The following SH3BP5L variants were observed in gnomAD, a reference collection of about 807,000 sequenced individuals.
SH3BP5L encodes the protein SH3 domain-binding protein 5-like.
SH3BP5L carries 16 observed loss-of-function variants against 40.9 expected under a neutral mutation model. The observed-to-expected ratio is 0.39, with a 90% CI of 0.27 to 0.59. The LOEUF (loss-of-function observed/expected upper bound fraction) is 0.59. SH3BP5L is among the 20% of genes least tolerant of loss of function. SH3BP5L has a pLI of 0.53. For synonymous variants in SH3BP5L, 229 were observed against 226.7 expected, an observed-to-expected ratio of 1.01 and a Z score of -0.09; for missense variants, 471 against 544.6, an observed-to-expected ratio of 0.86 and a Z score of 1.35.
intron 2 of SH3BP5L, among the ~76,000 whole-genome samples, chr1:248,822,611 A>G (rs1467882703): frequency 6.6e-6 from 1 of 152,112 alleles, no homozygotes; most frequent in Non-Finnish European, 1.5e-5. Context: ...TAGAAGAGTC[A>G]GTGATGACAG....
At chr1:248,820,702 C>T (rs1366426400) in intron 2 of SH3BP5L, 1 of 152,134 alleles carries the variant, frequency 6.6e-6, no homozygotes, top group Admixed American at 6.5e-5. Flanking sequence ...AACCACAGCC[C>T]ACGTAGGAAA....
rs1245824900 is a variant in SH3BP5L at position 248,825,152 on chromosome 1, A to G, written c.-217T>C. 2 of 1,337,760 alleles carry G rather than the reference A, an allele frequency of 1.5e-6. No homozygotes were observed. Among genetic ancestry groups the G allele is most frequent in the Non-Finnish European group, 1.9e-6 (2 of 1,047,158 alleles). The allele number at this position is 1,337,760 out of a possible 1,614,324, so 82.9% of individuals were successfully genotyped here. ...CTAGAGCTGAAGCCTTGTCTGTGCA[A>G]AAGTTCTTCCCTTCCCGCCACAGGG... On this transcript the variant is annotated 5_prime_UTR_variant, in exon 2 of 7. Coordinates refer to ENST00000366472, the MANE Select transcript of SH3BP5L (RefSeq NM_030645.3).
intron 2 of SH3BP5L, among the ~76,000 whole-genome samples, chr1:248,823,244 C>T (rs960161673): frequency 1.3e-4 from 20 of 151,250 alleles, no homozygotes; most frequent in African/African-American, 4.6e-4. Context: ...AACAGAGAGA[C>T]AGCTCTTTCC....
In SH3BP5L at chr1:248,814,230, G is replaced by A. The variant is rs1414278316; in HGVS notation, c.537+219C>T. 1.0e-5 allele frequency: 6 copies of A among 591,412 alleles called. No individual in the cohort carries two copies. The East Asian group carries it at 1.7e-4, about 17-fold the overall frequency. The allele number at this position is 591,412 out of a possible 1,614,324, so 36.6% of individuals were successfully genotyped here. A position where few individuals can be genotyped will look rare whatever the true frequency, so the allele number is the denominator to read the frequency against. Reference sequence around the variant, plus strand: ...CCCACACCTGGAGGCAAACGTTCAAGAAGAGCCCGGGATGACATTCTAAGT... The same window carrying A: ...CCCACACCTGGAGGCAAACGTTCAAAAAGAGCCCGGGATGACATTCTAAGT... On this transcript the variant is annotated intron_variant, in intron 5 of 6. Coordinates refer to ENST00000366472, the MANE Select transcript of SH3BP5L (RefSeq NM_030645.3).
chr1:248,817,513 C>T (rs544752788), intron 2 of SH3BP5L, among the ~76,000 whole-genome samples: 1 of 152,124 alleles, frequency 6.6e-6, no homozygotes, highest in Non-Finnish European at 1.5e-5. Flanking sequence ...GGGTAGGATG[C>T]CTGGAACACT....
intron 2 of SH3BP5L, 126 bp from the exon 3 acceptor site, chr1:248,817,010 G>C: frequency 6.4e-7 from 1 of 1,565,954 alleles, no homozygotes; most frequent in Non-Finnish European, 8.6e-7. Context: ...GAGACACTCA[G>C]GAAAGGAAAG....
intron 2 of SH3BP5L, among the ~76,000 whole-genome samples, chr1:248,822,819 C>T (rs929490990): frequency 3.9e-5 from 6 of 152,104 alleles, no homozygotes; most frequent in Non-Finnish European, 7.4e-5. Flanking sequence ...CCCGCCACAA[C>T]ACCTGGCTAG....
chr1:248,824,715 C>G (rs749706215), intron 2 of SH3BP5L, 38 bp downstream of exon 2: 1 of 1,604,546 alleles, frequency 6.2e-7, no homozygotes, highest in African/African-American at 1.3e-5. Flanking sequence ...AGGCTGGAAT[C>G]TGGGCTCTCC....
At chr1:248,813,710 G>C (rs1289742976) in intron 5 of SH3BP5L, 2 of 153,288 alleles carry the variant, frequency 1.3e-5, no homozygotes, top group Non-Finnish European at 2.9e-5. Flanking sequence ...GGTTGGATGG[G>C]GCTCTGGCGT....
In SH3BP5L at chr1:248,810,963, G is replaced by A. The variant is rs934083237; in HGVS notation, c.*937C>T. On this transcript the variant is annotated 3_prime_UTR_variant, in exon 7 of 7. Transcript: ENST00000366472. The stretch of plus-strand genomic sequence containing the variant: ...ATTGAGCACCAAATTCCCTAACCCC[G>A]TCCTGCAGGAGGGTGCTGAGTCAGT... 9.8e-5 allele frequency: 15 copies of A among 152,672 alleles called. No homozygotes were observed. Among genetic ancestry groups the A allele is most frequent in the Admixed American group, 5.9e-4 (9 of 15,286 alleles). The allele number at this position is 152,672 out of a possible 1,614,324, so 9.5% of individuals were successfully genotyped here. A position where few individuals can be genotyped will look rare whatever the true frequency, so the allele number is the denominator to read the frequency against.
At position 248,812,878 on chromosome 1, in the gene SH3BP5L, G is replaced by A. The variant is rs1402549986; in HGVS notation, c.711+111C>T. ...CACCACCCTTCCCCACCGCTAGCCG[G>A]AGGCCTCACCCTGGCCACCTCACCA... On this transcript the variant is annotated intron_variant, in intron 6 of 6. Transcript: ENST00000366472. This position sits in a 1 kb window ranked among gnomAD's most constrained non-coding sequence, Gnocchi z 6.1. 2.1e-6 allele frequency: 2 copies of A among 968,078 alleles called. No homozygotes were observed. The highest frequency in any genetic ancestry group is 3.4e-5 in the African/African-American group (2 of 59,678). 60.0% of individuals were successfully genotyped at this position (968,078 alleles called of 1,614,324 possible). A position where few individuals can be genotyped will look rare whatever the true frequency, so the allele number is the denominator to read the frequency against.
At chr1:248,816,938 G>A (rs111962358) in intron 2 of SH3BP5L, 54 bp from the exon 3 acceptor site, 1 of 1,612,820 alleles carries the variant, frequency 6.2e-7, no homozygotes. Context: ...AGCCTTGAAT[G>A]AACCATGCAA....
Position 248,810,717 on chromosome 1 carries a change from G to A in SH3BP5L, c.*1183C>T, listed in dbSNP as rs1233647066. On this transcript the variant is annotated 3_prime_UTR_variant, in exon 7 of 7. Transcript: ENST00000366472. ...TCTTCCTGGGGTGGGTCAAAAGGAA[G>A]GACTGGTTCTCCCAAGGCACCCAGA... 1 of 152,220 alleles carries A rather than the reference G, an allele frequency of 6.6e-6. No individual in the cohort carries two copies. The highest frequency in any genetic ancestry group is 1.5e-5 in the Non-Finnish European group (1 of 68,062). The allele number at this position is 152,220 out of a possible 1,614,324, so 9.4% of individuals were successfully genotyped here.
chr1:248,825,530 C>T (rs1572188559), intron 1 of SH3BP5L, 164 bp from the exon 2 acceptor site: 1 of 314,490 alleles, frequency 3.2e-6, no homozygotes, highest in African/African-American at 2.3e-5. Context: ...CCCTCAAGGA[C>T]TTTAGATTCT....
At position 248,812,307 on chromosome 1, in the gene SH3BP5L, C is replaced by G; in HGVS notation, c.775G>C (p.Val259Leu). ...QVAQAKTRYSVALRNLEQISE... is the reference protein window; with the variant it reads ...QVAQAKTRYSLALRNLEQISE... ...ATCTGCTCCAGGTTACGAAGGGCCA[C>G]GGAGTAGCGCGTCTTGGCCTGAGCT... The change falls in exon 7 of 7, where the codon GTG becomes CTG. Residue 259 changes from valine to leucine, a missense_variant. Coordinates refer to ENST00000366472, the MANE Select transcript of SH3BP5L (RefSeq NM_030645.3). The surrounding 1 kb of genome is among the most constrained non-coding windows in gnomAD (Gnocchi z 6.1). 6.2e-7 allele frequency: 1 copy of G among 1,611,172 alleles called. No homozygotes were observed. The highest frequency in any genetic ancestry group is 8.5e-7 in the Non-Finnish European group (1 of 1,179,994).
chr1:248,822,232 G>A (rs985998699), intron 2 of SH3BP5L, among the ~76,000 whole-genome samples: 2 of 152,154 alleles, frequency 1.3e-5, no homozygotes, highest in Non-Finnish European at 2.9e-5. Flanking sequence ...AAGGGACCTC[G>A]AAAGACAAAC....
chr1:248,812,973 T>A lies in SH3BP5L; in HGVS notation c.711+16A>T, dbSNP rs1193196514. 5 of 1,547,134 alleles carry A rather than the reference T, an allele frequency of 3.2e-6. No homozygotes were observed. The highest frequency in any genetic ancestry group is 1.8e-5 in the Admixed American group (1 of 55,484). On this transcript the variant is annotated intron_variant, in intron 6 of 6. Coordinates refer to ENST00000366472, the MANE Select transcript of SH3BP5L (RefSeq NM_030645.3). This position sits in a 1 kb window ranked among gnomAD's most constrained non-coding sequence, Gnocchi z 6.1. Reference sequence around the variant, plus strand: ...CCCACCTACCCATTCCTCCTCCCCCTCACCCACTCAGCTACCTCCAGGATC... The same window carrying A: ...CCCACCTACCCATTCCTCCTCCCCCACACCCACTCAGCTACCTCCAGGATC...
chr1:248,824,830 G>A lies in SH3BP5L; in HGVS notation c.106C>T (p.Pro36Ser), dbSNP rs1433673699. Residue 36 changes from proline (P) to serine (S), a missense_variant, in exon 2 of 7, where the codon CCT becomes TCT. Pro to Ser is a moderately conservative substitution (Grantham distance 74, BLOSUM62 -1). This residue lies in a region of SH3BP5L where 275 missense variants were observed against 370.1 expected (regional missense o/e 0.74). Transcript: ENST00000366472. ...CTGCTGCTGCTTCCACCTCCTCCAGGCTCTTCTGCGACTGGGCTCCTAGGG... is the reference window on the plus strand; with the variant it reads ...CTGCTGCTGCTTCCACCTCCTCCAGACTCTTCTGCGACTGGGCTCCTAGGG... ...EVPRSPVAEE[P>S]GGGGSSSSEA... is the part of the protein sequence containing the mutation. The A allele has an allele frequency of 6.2e-7, 1 of 1,614,162 alleles. No homozygotes were observed. The highest frequency in any genetic ancestry group is 1.7e-5 in the Admixed American group (1 of 60,034).
Position 248,814,581 on chromosome 1 carries a change from C to A in SH3BP5L, c.405G>T (p.Leu135=), listed in dbSNP as rs774473164. Residue 135 remains leucine, a synonymous_variant, in exon 5 of 7, where the codon CTG becomes CTT. Transcript: ENST00000366472. ...GCATGCTTACGGCCCGCTCGTACCGCAGCGCTGCCTTCTGTGTCTCCTGCT... is the reference window on the plus strand; with the variant it reads ...GCATGCTTACGGCCCGCTCGTACCGAAGCGCTGCCTTCTGTGTCTCCTGCT... ...EAQQETQKAA[L]RYERAVSMHN... The A allele has an allele frequency of 6.2e-7, 1 of 1,614,228 alleles. No individual in the cohort carries two copies. Among genetic ancestry groups the A allele is most frequent in the Non-Finnish European group, 8.5e-7 (1 of 1,180,042 alleles).
Sources: gnomAD v4.1 joint callset for allele counts (sites outside exome capture counted in the v4.1 genomes callset) on GRCh38, gnomAD v4.1.1 for gene constraint, gnomAD v4.1.1 regional missense constraint, Gnocchi (gnomAD v3.1) non-coding constraint, MANE v1.5 for transcripts, NCBI Gene and HGNC (gene_info 2026-07-23, HGNC 2026-07-21) for gene names.